Variants in NXPH1 observed in about 807,000 individuals in gnomAD.
NXPH1 encodes the protein neurexophilin-1.
In NXPH1, 5 loss-of-function variants were observed where a neutral mutation model predicts 23.7. The observed-to-expected ratio is 0.21, with a 90% CI of 0.11 to 0.44. The LOEUF is 0.44. Among genes scored for constraint, NXPH1 ranks in the 20% least tolerant of loss-of-function variants. The probability of loss-of-function intolerance (pLI) is 0.99; values close to 1 mark genes in which losing one functional copy is unlikely to be tolerated. For synonymous variants in NXPH1, 144 were observed against 122.2 expected (o/e 1.18, Z -1.18); for missense variants, 324 against 321.6 (o/e 1.01, Z -0.06).
At chr7:8,608,670 CT>C (rs1190045024) in intron 2 of NXPH1, among the ~76,000 whole-genome samples, 2 of 152,028 alleles carry the variant, frequency 1.3e-5, no homozygotes, top group Admixed American at 6.6e-5. Context: ...AAAACATTGA[CT>C]TTTTTGTGCG....
chr7:8,688,262 A>G (rs80137666), intron 2 of NXPH1, among the ~76,000 whole-genome samples: 2,728 of 152,290 alleles, frequency 0.018, 35 homozygotes, highest in Non-Finnish European at 0.027. Flanking sequence ...AAACAGAAAT[A>G]TAAACTTTTT....
Position 8,680,240 on chromosome 7 carries a change from A to G in NXPH1, c.55-70768A>G, listed in dbSNP as rs141776033. 1.2e-3 allele frequency among the ~76,000 whole-genome samples: 190 copies of G among 152,354 alleles called. 3 individuals carry two copies. Among genetic ancestry groups the G allele is most frequent in the African/African-American group, 4.4e-3 (184 of 41,586 alleles). ...ACTATGATAGATCCTGGGGATATGAAGGTGCATTAAATGTGGTAAGAGTTT... is the reference window on the plus strand; with the variant it reads ...ACTATGATAGATCCTGGGGATATGAGGGTGCATTAAATGTGGTAAGAGTTT... On this transcript the variant is annotated intron_variant, in intron 2 of 2. Coordinates refer to ENST00000405863, the MANE Select transcript of NXPH1 (RefSeq NM_152745.3).
intron 2 of NXPH1, among the ~76,000 whole-genome samples, chr7:8,663,927 G>A (rs759675683): frequency 6.6e-6 from 1 of 151,974 alleles, no homozygotes; most frequent in African/African-American, 2.4e-5. Context: ...GATTTAGAAC[G>A]CCATGTATGA....
chr7:8,672,672 T>A (rs190135110), intron 2 of NXPH1, among the ~76,000 whole-genome samples: 3 of 152,256 alleles, frequency 2.0e-5, no homozygotes, highest in Non-Finnish European at 4.4e-5. Context: ...TAAGTGAGAA[T>A]AGAAGTCAGG....
chr7:8,588,585 C>G (rs1436099408), intron 2 of NXPH1, among the ~76,000 whole-genome samples: 1 of 152,094 alleles, frequency 6.6e-6, no homozygotes, highest in Non-Finnish European at 1.5e-5. Flanking sequence ...CCACAGCCCT[C>G]CAGAGAGGTA....
At chr7:8,745,539 TTCTC>T (rs1420165880) in intron 2 of NXPH1, among the ~76,000 whole-genome samples, 1 of 152,010 alleles carries the variant, frequency 6.6e-6, no homozygotes. Context: ...GACACGTCCT[TTCTC>T]TGCTCTGTGC....
At chr7:8,681,057 G>C (rs866824732) in intron 2 of NXPH1, among the ~76,000 whole-genome samples, 2 of 152,210 alleles carry the variant, frequency 1.3e-5, no homozygotes, top group Non-Finnish European at 2.9e-5. Flanking sequence ...CAGAGCCAGC[G>C]CTAATGTCCG....
chr7:8,549,039 GAAA>G (rs1818237754), intron 2 of NXPH1, among the ~76,000 whole-genome samples: 2 of 151,422 alleles, frequency 1.3e-5, no homozygotes, highest in South Asian at 4.1e-4. Flanking sequence ...TTTAATAATT[GAAA>G]GATAAAGTCC....
intron 2 of NXPH1, among the ~76,000 whole-genome samples, chr7:8,545,334 A>T (rs1818183298): frequency 6.6e-6 from 1 of 151,504 alleles, no homozygotes; most frequent in Non-Finnish European, 1.5e-5. Context: ...CCTGTGCTGC[A>T]TATCTACAGT....
chr7:8,659,884 T>A (rs899926682), intron 2 of NXPH1, among the ~76,000 whole-genome samples: 2 of 152,224 alleles, frequency 1.3e-5, no homozygotes, highest in African/African-American at 2.4e-5. Context: ...TCAGCTCTGA[T>A]GCAACTTATC....
intron 2 of NXPH1, among the ~76,000 whole-genome samples, chr7:8,480,109 G>C (rs1027841529): frequency 2.0e-5 from 3 of 152,116 alleles, no homozygotes; most frequent in African/African-American, 7.2e-5. Flanking sequence ...AGATTTGGAT[G>C]GGGTACACTG....
rs1000729135 is a variant in NXPH1, at chr7:8,726,792, A to G, written c.55-24216A>G. On this transcript the variant is annotated intron_variant, in intron 2 of 2. Transcript: ENST00000405863. ...GCTATTGTGAATAATGCCGCAATAAACATACGTGTGCATGTGTCTTTATAG... is the reference window on the plus strand; with the variant it reads ...GCTATTGTGAATAATGCCGCAATAAGCATACGTGTGCATGTGTCTTTATAG... Among the ~76,000 whole-genome samples the G allele has an allele frequency of 4.5e-4, 68 of 150,352 alleles. No homozygotes were observed. In the South Asian group the frequency reaches 0.014, roughly 30 times the overall value.
chr7:8,537,174 G>A (rs771142676), intron 2 of NXPH1, among the ~76,000 whole-genome samples: 1 of 151,774 alleles, frequency 6.6e-6, no homozygotes, highest in Non-Finnish European at 1.5e-5. Flanking sequence ...ACGGATGAAC[G>A]GATGGATGAT....
chr7:8,476,495 AGCTT>A (rs1258352034), intron 2 of NXPH1, among the ~76,000 whole-genome samples: 1 of 150,692 alleles, frequency 6.6e-6, no homozygotes, highest in African/African-American at 2.4e-5. Flanking sequence ...CTCAAACCTT[AGCTT>A]GTTTTTCTTT....
rs979612977 is a variant in NXPH1, at chr7:8,752,813, G to C, written c.*1044G>C. ...ATGTAGCTGTGAAGGCCATTAAAAAGACAAACTTAATGTACAGAGCATTTA... is the reference window on the plus strand; with the variant it reads ...ATGTAGCTGTGAAGGCCATTAAAAACACAAACTTAATGTACAGAGCATTTA... On this transcript the variant is annotated 3_prime_UTR_variant, in exon 3 of 3. Coordinates refer to ENST00000405863, the MANE Select transcript of NXPH1 (RefSeq NM_152745.3). 1 of 152,394 alleles carries C rather than the reference G, an allele frequency of 6.6e-6. No homozygotes were observed. Among genetic ancestry groups the C allele is most frequent in the Admixed American group, 6.6e-5 (1 of 15,230 alleles). 9.4% of individuals were successfully genotyped at this position (152,394 alleles called of 1,614,324 possible).
intron 2 of NXPH1, among the ~76,000 whole-genome samples, chr7:8,612,427 G>A (rs534516767): frequency 6.6e-6 from 1 of 151,984 alleles, no homozygotes; most frequent in African/African-American, 2.4e-5. Context: ...AGTGCTAGTA[G>A]CAGCACTCAA....
intron 2 of NXPH1, among the ~76,000 whole-genome samples, chr7:8,562,938 C>T (rs1009457764): frequency 2.0e-5 from 3 of 151,564 alleles, no homozygotes; most frequent in African/African-American, 2.4e-5. Context: ...AGAAAAGATG[C>T]CATCAAAAGT....
chr7:8,648,409 T>G (rs1347703535), intron 2 of NXPH1, among the ~76,000 whole-genome samples: 5 of 152,208 alleles, frequency 3.3e-5, no homozygotes, highest in African/African-American at 1.2e-4. Context: ...AGTGAGAATA[T>G]GTGATGTTTG....
At chr7:8,713,127 T>G (rs1779822406) in intron 2 of NXPH1, among the ~76,000 whole-genome samples, 1 of 152,086 alleles carries the variant, frequency 6.6e-6, no homozygotes, top group African/African-American at 2.4e-5. Context: ...GCTTCATTCT[T>G]TTTTATTCTT....
Sources: allele counts gnomAD v4.1 joint callset (sites outside exome capture counted in the v4.1 genomes callset), GRCh38; gene constraint gnomAD v4.1.1; transcripts MANE v1.5; gene names NCBI Gene and HGNC (gene_info 2026-07-23, HGNC 2026-07-21).